Variants in PRAMEF20 observed in about 807,000 individuals in gnomAD.
PRAMEF20 encodes PRAME family member 20/21.
PRAMEF20 carries 27 observed loss-of-function variants against 32.4 expected under a neutral mutation model. That is an observed-to-expected ratio of 0.83 (90% confidence interval 0.61 to 1.15). The LOEUF (loss-of-function observed/expected upper bound fraction) is 1.15. Ranked by LOEUF, PRAMEF20 falls within the 50% of genes most tolerant of loss-of-function variation. The probability of loss-of-function intolerance (pLI) is 0.00; values close to 1 mark genes in which losing one functional copy is unlikely to be tolerated. For synonymous variants in PRAMEF20, 256 were observed against 235.4 expected (o/e 1.09, Z -0.80); for missense variants, 604 against 584.5 (o/e 1.03, Z -0.34).
rs780507920 is a variant in PRAMEF20, at chr1:13,416,402, C to A, written c.48C>A (p.Ser16Arg). ...GACTCCTGGAGCTGGCGGGGCGGAGCCTGCTGAGGGACGAGGCCTTGGCCA... is the reference window on the plus strand; with the variant it reads ...GACTCCTGGAGCTGGCGGGGCGGAGACTGCTGAGGGACGAGGCCTTGGCCA... The change falls in exon 1 of 3, where the codon AGC becomes AGA. Residue 16 changes from serine to arginine, a missense_variant. Ser to Arg is a moderately radical substitution (Grantham distance 110). Transcript: ENST00000602960. The A allele has an allele frequency of 2.5e-6, 4 of 1,613,534 alleles. No individual in the cohort carries two copies. In the African/African-American group the frequency reaches 5.3e-5, roughly 22 times the overall value.
upstream of PRAMEF20, among the ~76,000 whole-genome samples, chr1:13,414,208 ATTTTTTTTTTTTT>A (rs149194621): frequency 8.1e-6 from 1 of 123,280 alleles, no homozygotes; most frequent in African/African-American, 3.0e-5. Flanking sequence ...CACCTGACTA[ATTTTTTTTTTTTT>A]TTTTTTTTTT....
chr1:13,417,910 T>TGTGTG (rs1369049111), intron 1 of PRAMEF20, among the ~76,000 whole-genome samples: 2,933 of 124,274 alleles, frequency 0.024, 138 homozygotes, highest in Middle Eastern at 0.029. Context: ...CCCGGCTAAT[T>TGTGTG]TGTGTGTGTG....
chr1:13,416,295 G>A (rs2100432096), upstream of PRAMEF20: 1 of 1,611,992 alleles, frequency 6.2e-7, no homozygotes, highest in South Asian at 1.1e-5. Context: ...GGCTTGGCCT[G>A]AGAGTGATGC....
At chr1:13,414,866 C>T (rs1200124702), upstream of PRAMEF20, among the ~76,000 whole-genome samples, 2 of 152,126 alleles carry the variant, frequency 1.3e-5, no homozygotes, top group African/African-American at 4.8e-5. Flanking sequence ...GTGGCTCAAT[C>T]TCAGCTCACT....
upstream of PRAMEF20, among the ~76,000 whole-genome samples, chr1:13,415,269 A>G (rs1641157652): frequency 6.6e-6 from 1 of 151,920 alleles, no homozygotes; most frequent in Non-Finnish European, 1.5e-5. Flanking sequence ...TTTAGTACAG[A>G]CAGGGTTTCA....
upstream of PRAMEF20, among the ~76,000 whole-genome samples, chr1:13,414,830 C>T (rs1227680283): frequency 1.3e-5 from 2 of 152,118 alleles, no homozygotes; most frequent in Non-Finnish European, 2.9e-5. Flanking sequence ...GACATAGTCT[C>T]ACTCTGTCGC....
the PRAMEF20 span, among the ~76,000 whole-genome samples, chr1:13,411,241 A>C: frequency 6.6e-6 from 1 of 151,854 alleles, no homozygotes; most frequent in Non-Finnish European, 1.5e-5. Flanking sequence ...AGGTGGGAGA[A>C]TCCCTTGAGC....
rs973255879 is a variant in PRAMEF20 at position 13,418,567 on chromosome 1, C to T, written c.733C>T (p.Arg245Cys). 2.9e-5 allele frequency: 47 copies of T among 1,613,910 alleles called. 1 individual carries two copies. The highest frequency in any genetic ancestry group is 2.9e-4 in the South Asian group (26 of 91,062). The change falls in exon 2 of 3, where the codon CGC (arginine) becomes TGC (cysteine). Residue 245 changes from arginine to cysteine, a missense_variant. Physicochemically the swap from Arg to Cys is radical, Grantham distance 180. Transcript: ENST00000602960. ...GCTCGTTCTCTCTGACATAGATTCT[C>T]GCTACATTTCCCCAGAGCAGAAGAA...
At chr1:13,418,279 G>A (rs1641204697) in exon 2 of PRAMEF20, 2 of 1,613,720 alleles carry the variant, frequency 1.2e-6, no homozygotes, top group African/African-American at 1.3e-5. Context: ...GCCCTTGACT[G>A]TGTTCATAGA....
At chr1:13,413,080 C>T (rs1407051918), upstream of PRAMEF20, among the ~76,000 whole-genome samples, 1 of 152,210 alleles carries the variant, frequency 6.6e-6, no homozygotes, top group African/African-American at 2.4e-5. Context: ...AAGGATCCCT[C>T]AACAAAGATA....
intron 2 of PRAMEF20, among the ~76,000 whole-genome samples, chr1:13,420,016 T>C (rs1358323332): frequency 6.6e-6 from 1 of 152,286 alleles, no homozygotes. Context: ...CAGGGACGCC[T>C]GCAGCCTGCC....
the PRAMEF20 span, chr1:13,410,602 CACAGAGTT>C: frequency 1.3e-5 from 2 of 150,294 alleles, no homozygotes; most frequent in Non-Finnish European, 2.9e-5. Flanking sequence ...ACAGTGCAGG[CACAGAGTT>C]ATATCCTGTC....
At chr1:13,413,770 G>A (rs1461967237), upstream of PRAMEF20, among the ~76,000 whole-genome samples, 67 of 152,212 alleles carry the variant, frequency 4.4e-4, no homozygotes, top group Admixed American at 4.3e-3. Context: ...GCTTGGTACT[G>A]TGAGGGGTCC....
chr1:13,414,268 C>A (rs1569864121), upstream of PRAMEF20, among the ~76,000 whole-genome samples: 1 of 133,492 alleles, frequency 7.5e-6, no homozygotes, highest in South Asian at 2.3e-4. Context: ...ACTATGTTTT[C>A]CAGGCTGGTC....
At chr1:13,419,932 T>C (rs12090710) in intron 2 of PRAMEF20, among the ~76,000 whole-genome samples, 3,534 of 152,212 alleles carry the variant, frequency 0.023, 68 homozygotes, top group African/African-American at 0.048. Flanking sequence ...TGTATGATTC[T>C]GAAACAGAGG....
chr1:13,418,788 A>T, intron 2 of PRAMEF20, 88 bp downstream of exon 3: 3 of 1,598,444 alleles, frequency 1.9e-6, no homozygotes, highest in Non-Finnish European at 1.7e-6. Context: ...GCCTATGAGG[A>T]TGTAACAGTA....
Position 13,418,135 on chromosome 1 carries a change from C to T in PRAMEF20, c.301C>T (p.Gln101Ter), listed in dbSNP as rs1463993391. Residue 101 changes from glutamine (Q) to a stop codon, truncating the protein, a stop_gained, in exon 2 of 3, where the codon CAA (glutamine) becomes TAA (stop). Coordinates refer to ENST00000602960, the Ensembl canonical transcript of PRAMEF20. LOFTEE classifies it high-confidence loss of function. ...ATTTTTCCTCAGGAGGTGGAAACTT[C>T]AAGTGCTGGATTTACAGGATGTCAG... 2 of 1,612,414 alleles carry T rather than the reference C, an allele frequency of 1.2e-6. No individual in the cohort carries two copies. Among genetic ancestry groups the T allele is most frequent in the Non-Finnish European group, 1.7e-6 (2 of 1,179,848 alleles).
intron 1 of PRAMEF20, 52 bp from the exon 3 acceptor site, chr1:13,418,070 A>C: frequency 6.2e-7 from 1 of 1,611,664 alleles, no homozygotes; most frequent in Non-Finnish European, 8.5e-7. Flanking sequence ...CACTGAGCCC[A>C]GCCTCAGAAG....
exon 1 of PRAMEF20, chr1:13,416,563 T>G (rs767188147): frequency 6.2e-7 from 1 of 1,613,982 alleles, no homozygotes; most frequent in Non-Finnish European, 8.5e-7. Context: ...GGGTCTCTGA[T>G]GAAAAGGCCT....
Sources: gnomAD v4.1 joint callset for allele counts (sites outside exome capture counted in the v4.1 genomes callset) on GRCh38, gnomAD v4.1.1 for gene constraint, MANE v1.5 for transcripts, NCBI Gene and HGNC (gene_info 2026-07-23, HGNC 2026-07-21) for gene names.